EML1: variants seen among roughly 807,000 people sequenced by gnomAD.
EML1 encodes the protein EMAP like 1.
Under a neutral mutation model 110.4 loss-of-function variants are expected in EML1, and 27 were observed. That is an observed-to-expected ratio of 0.24 (90% CI 0.18 to 0.34). EML1 has a LOEUF of 0.34. EML1 is among the 10% of genes least tolerant of loss of function. The pLI is 1.00. For synonymous variants in EML1, 344 were observed against 385.8 expected, an observed-to-expected ratio of 0.89 and a Z score of 1.27; for missense variants, 741 against 1,030.9, an observed-to-expected ratio of 0.72 and a Z score of 3.85.
rs554008889 is a variant in EML1 at position 99,739,849 on chromosome 14, G to C, written c.28+1989G>C. 5.5e-4 allele frequency among the ~76,000 whole-genome samples: 83 copies of C among 152,228 alleles called. 1 individual carries two copies. The South Asian group carries it at 0.016, about 30-fold the overall frequency. On this transcript the variant is annotated intron_variant, in intron 1 of 10. Coordinates refer to the EML1 transcript ENST00000554479. ...ACACTGCTCTGAAATATTTTCACCTGTTTTCAGTAACCGATCCCCAAGCCG... is the reference window on the plus strand; with the variant it reads ...ACACTGCTCTGAAATATTTTCACCTCTTTTCAGTAACCGATCCCCAAGCCG...
intron 1 of EML1, among the ~76,000 whole-genome samples, chr14:99,832,698 G>A (rs758066231): frequency 6.6e-6 from 1 of 152,030 alleles, no homozygotes; most frequent in Admixed American, 6.5e-5. Flanking sequence ...CTTTTGCTTC[G>A]TTTTAAAATT....
In EML1 at chr14:99,936,472, T is replaced by A. The variant is rs1305092323; in HGVS notation, c.2095+138T>A. 9 of 776,648 alleles carry A rather than the reference T, an allele frequency of 1.2e-5. No homozygotes were observed. Among genetic ancestry groups the A allele is most frequent in the Non-Finnish European group, 2.1e-6 (1 of 476,962 alleles). The allele number at this position is 776,648 out of a possible 1,614,324, so 48.1% of individuals were successfully genotyped here. ...ATCTCTAGGTCATGGTTTCCGCCTCTGTAACGTAGGGGAGTGGGGCTGCGT... is the reference window on the plus strand; with the variant it reads ...ATCTCTAGGTCATGGTTTCCGCCTCAGTAACGTAGGGGAGTGGGGCTGCGT... On this transcript the variant is annotated intron_variant, in intron 19 of 21. Coordinates refer to ENST00000262233, the MANE Select transcript of EML1 (RefSeq NM_004434.3). The surrounding 1 kb of genome is among the most constrained non-coding windows in gnomAD (Gnocchi z 5.5).
intron 1 of EML1, among the ~76,000 whole-genome samples, chr14:99,739,074 G>GTGTGTGTA (rs1431551786): frequency 4.9e-5 from 6 of 123,258 alleles, no homozygotes; most frequent in African/African-American, 1.9e-4. Flanking sequence ...GAGTGTGTGT[G>GTGTGTGTA]TGTGTGTGTG....
At chr14:99,847,440 T>C (rs1186836706) in intron 1 of EML1, among the ~76,000 whole-genome samples, 1 of 152,164 alleles carries the variant, frequency 6.6e-6, no homozygotes. Context: ...AGACCTGATC[T>C]CCTGGGCTCC....
At position 99,936,352 on chromosome 14, in the gene EML1, G is replaced by T; in HGVS notation, c.2095+18G>T. The T allele has an allele frequency of 1.2e-6, 2 of 1,608,194 alleles. No individual in the cohort carries two copies. The highest frequency in any genetic ancestry group is 2.2e-5 in the East Asian group (1 of 44,854). On this transcript the variant is annotated intron_variant, in intron 19 of 21. Transcript: ENST00000262233. This position sits in a 1 kb window ranked among gnomAD's most constrained non-coding sequence, Gnocchi z 5.5. Reference sequence around the variant, plus strand: ...CCTCTACTGTGAGTACCACCCCGGGGTTGTATGAAGTCTCGATCTCAGAAA... The same window carrying T: ...CCTCTACTGTGAGTACCACCCCGGGTTTGTATGAAGTCTCGATCTCAGAAA...
At chr14:99,863,326 A>C (rs917621951) in intron 2 of EML1, among the ~76,000 whole-genome samples, 4 of 152,160 alleles carry the variant, frequency 2.6e-5, no homozygotes, top group Non-Finnish European at 5.9e-5. Flanking sequence ...TATGTTTGTC[A>C]TACAATCTTC....
At chr14:99,764,182 G>A (rs1408632552) in intron 1 of EML1, among the ~76,000 whole-genome samples, 1 of 152,182 alleles carries the variant, frequency 6.6e-6, no homozygotes, top group Non-Finnish European at 1.5e-5. Flanking sequence ...CTTCCATGAG[G>A]ACGTTGGGCT....
chr14:99,888,039 T>A (rs1396698428), intron 4 of EML1, among the ~76,000 whole-genome samples: 2 of 152,202 alleles, frequency 1.3e-5, no homozygotes, highest in African/African-American at 4.8e-5. Flanking sequence ...TTTTTTTCAA[T>A]AAAAACTCAA....
intron 1 of EML1, among the ~76,000 whole-genome samples, chr14:99,757,888 A>G (rs2057274408): frequency 6.6e-6 from 1 of 152,208 alleles, no homozygotes; most frequent in Admixed American, 6.5e-5. Context: ...TCTTCCTAGA[A>G]ACAAGGAGGG....
At position 99,878,503 on chromosome 14, in the gene EML1, C is replaced by T. The variant is rs1282431975; in HGVS notation, c.402C>T (p.Ser134=). The change falls in exon 4 of 22, where the codon AGC becomes AGT. Residue 134 remains serine (S), a synonymous_variant. Coordinates refer to ENST00000262233, the MANE Select transcript of EML1 (RefSeq NM_004434.3). ...PATKSNIKRT[S]SSERVSPGGR... ...CCCTTAGTAACATCAAGAGGACCAGCTCTTCTGAACGAGTGTCTCCTGGGG... is the reference window on the plus strand; with the variant it reads ...CCCTTAGTAACATCAAGAGGACCAGTTCTTCTGAACGAGTGTCTCCTGGGG... The T allele has an allele frequency of 1.2e-6, 2 of 1,613,054 alleles. No individual in the cohort carries two copies. The highest frequency in any genetic ancestry group is 1.3e-5 in the African/African-American group (1 of 74,836).
At chr14:99,861,757 C>T (rs1174365342) in intron 2 of EML1, among the ~76,000 whole-genome samples, 1 of 152,170 alleles carries the variant, frequency 6.6e-6, no homozygotes, top group Non-Finnish European at 1.5e-5. Context: ...GCTGAGATTA[C>T]AGGAGTGAGC....
In EML1 at chr14:99,905,563, C is replaced by T. The variant is rs912015743; in HGVS notation, c.1009-2075C>T. On this transcript the variant is annotated intron_variant, in intron 9 of 21. Transcript: ENST00000262233. This position sits in a 1 kb window ranked among gnomAD's most constrained non-coding sequence, Gnocchi z 4.1. ...ACGAAGGGATCTTTCCCAGCAGTCC[C>T]GTCAGCTCTTAAATTTCCCCTTTTG... 3.3e-5 allele frequency among the ~76,000 whole-genome samples: 5 copies of T among 152,222 alleles called. No individual in the cohort carries two copies. Among genetic ancestry groups the T allele is most frequent in the African/African-American group, 9.6e-5 (4 of 41,470 alleles).
intron 1 of EML1, among the ~76,000 whole-genome samples, chr14:99,818,834 G>T (rs1259772609): frequency 1.3e-5 from 2 of 152,154 alleles, no homozygotes; most frequent in African/African-American, 4.8e-5. Context: ...GAAACCTGAG[G>T]CCTGGATCGT....
intron 4 of EML1, among the ~76,000 whole-genome samples, chr14:99,883,030 G>A (rs942078395): frequency 2.0e-5 from 3 of 152,110 alleles, no homozygotes; most frequent in African/African-American, 4.8e-5. Context: ...TCTTCAGGGC[G>A]CAAAGTTGTT....
At chr14:99,772,769 A>G (rs2140204505), upstream of EML1, among the ~76,000 whole-genome samples, 1 of 152,366 alleles carries the variant, frequency 6.6e-6, no homozygotes, top group South Asian at 2.1e-4. Flanking sequence ...GCTATATTTC[A>G]CAACATTTCA....
intron 1 of EML1, among the ~76,000 whole-genome samples, chr14:99,775,455 A>G (rs755175996): frequency 6.6e-6 from 1 of 152,202 alleles, no homozygotes; most frequent in Non-Finnish European, 1.5e-5. Flanking sequence ...AGGGACAGTC[A>G]AGATGTGAGA....
Position 99,781,616 on chromosome 14 carries a change from A to G in EML1, c.-27+7603A>G, listed in dbSNP as rs1040424131. On this transcript the variant is annotated intron_variant, in intron 1 of 22. Coordinates refer to the EML1 transcript ENST00000327921. This position sits in a 1 kb window ranked among gnomAD's most constrained non-coding sequence, Gnocchi z 4.2. ...GGCCCAGGTATGTGCACTTCCCATC[A>G]GTCTTCCTGAAGCACAGTCCTAATT... 2.6e-5 allele frequency among the ~76,000 whole-genome samples: 4 copies of G among 152,058 alleles called. No homozygotes were observed. The highest frequency in any genetic ancestry group is 9.7e-5 in the African/African-American group (4 of 41,412).
chr14:99,836,940 A>G (rs754131620), intron 1 of EML1, among the ~76,000 whole-genome samples: 57 of 151,202 alleles, frequency 3.8e-4, no homozygotes, highest in Non-Finnish European at 7.1e-4. Context: ...TGATGGTGTC[A>G]GGGTATCAAG....
chr14:99,742,778 C>A lies in EML1; in HGVS notation c.28+4918C>A, dbSNP rs1411149808. On this transcript the variant is annotated intron_variant, in intron 1 of 10. Transcript: ENST00000554479. ...CAGGCAGGTCCCTCTCCTCTCCGAG[C>A]CTCGGCGGTCTCATCTGTAAAGTAG... is the stretch of plus-strand genomic sequence containing the variant. Among the ~76,000 whole-genome samples the A allele has an allele frequency of 2.0e-5, 3 of 152,138 alleles. No individual in the cohort carries two copies. The South Asian group carries it at 6.2e-4, about 31-fold the overall frequency.
Sources: gnomAD v4.1 joint callset for allele counts (sites outside exome capture counted in the v4.1 genomes callset) on GRCh38, gnomAD v4.1.1 for gene constraint, Gnocchi (gnomAD v3.1) non-coding constraint, MANE v1.5 for transcripts, NCBI Gene and HGNC (gene_info 2026-07-23, HGNC 2026-07-21) for gene names.